The following N4BP2L1 variants were observed in gnomAD, a reference collection of about 807,000 sequenced individuals.
N4BP2L1 encodes the protein NEDD4 binding protein 2 like 1, also known as NEDD4-binding protein 2-like 1.
Under a neutral mutation model 21.2 loss-of-function variants are expected in N4BP2L1, and 12 were observed. The ratio of observed to expected loss-of-function variants is 0.57; its 90% confidence interval spans 0.36 to 0.92. The LOEUF is 0.92. Among genes scored for constraint, N4BP2L1 ranks in the 40% least tolerant of loss-of-function variants. N4BP2L1 has a pLI of 0.01. For synonymous variants in N4BP2L1, 104 were observed against 112.8 expected (o/e 0.92, Z 0.49); for missense variants, 259 against 310.6 (o/e 0.83, Z 1.25).
At position 32,427,998 on chromosome 13, in the gene N4BP2L1, GCGGCCGGGGCGGC is replaced by G; in HGVS notation, c.72_84del (p.Pro26ArgfsTer41). On this transcript the variant is annotated frameshift_variant, in exon 1 of 5. Transcript: ENST00000380130. LOFTEE classifies it high-confidence loss of function. The stretch of plus-strand genomic sequence containing the variant: ...CGGCGAGGAGGTGTCCCCCGCGGGG[GCGGCCGGGGCGGC>G]CGCTGCCGCTGCTGCTGCTGCTGGG... 6.4e-7 allele frequency: 1 copy of G among 1,556,350 alleles called. No homozygotes were observed. Among genetic ancestry groups the G allele is most frequent in the Non-Finnish European group, 8.7e-7 (1 of 1,154,350 alleles).
At position 32,402,842 on chromosome 13, in the gene N4BP2L1, T is replaced by C; in HGVS notation, c.*100A>G. The C allele has an allele frequency of 6.7e-7, 1 of 1,483,708 alleles. No homozygotes were observed. The highest frequency in any genetic ancestry group is 1.5e-5 in the South Asian group (1 of 68,608). The allele number at this position is 1,483,708 out of a possible 1,614,324, so 91.9% of individuals were successfully genotyped here. ...TCAGAAACTTTTGAGTTCAGCTATT[T>C]ACACTGGAATTGGAGCTCTGACTAA... is the stretch of plus-strand genomic sequence containing the variant. On this transcript the variant is annotated 3_prime_UTR_variant, in exon 5 of 5. Coordinates refer to ENST00000380130, the MANE Select transcript of N4BP2L1 (RefSeq NM_052818.3).
chr13:32,425,212 C>T (rs902382712), intron 1 of N4BP2L1: 1 of 152,174 alleles, frequency 6.6e-6, no homozygotes, highest in Non-Finnish European at 1.5e-5. Flanking sequence ...ACCCTACCTC[C>T]CAAAAAAGTG....
At chr13:32,406,092 G>A (rs371606130) in intron 3 of N4BP2L1, among the ~76,000 whole-genome samples, 90 of 148,620 alleles carry the variant, frequency 6.1e-4, no homozygotes, top group African/African-American at 2.2e-3. Context: ...TTTTTTTTTA[G>A]TAGAGACGGG....
upstream of N4BP2L1, among the ~76,000 whole-genome samples, chr13:32,428,948 C>T (rs1322556762): frequency 1.3e-5 from 2 of 152,242 alleles, no homozygotes; most frequent in Admixed American, 6.5e-5. Context: ...GACTCTCCAA[C>T]AGTTCACCCT....
intron 1 of N4BP2L1, among the ~76,000 whole-genome samples, chr13:32,415,332 A>C (rs2074075256): frequency 6.6e-6 from 1 of 152,232 alleles, no homozygotes; most frequent in African/African-American, 2.4e-5. Context: ...CTTGCTAAAG[A>C]AGAAAGGGTA....
chr13:32,416,344 A>G (rs2137884659), intron 1 of N4BP2L1, among the ~76,000 whole-genome samples: 1 of 152,346 alleles, frequency 6.6e-6, no homozygotes, highest in Admixed American at 6.5e-5. Flanking sequence ...GTACAACTGG[A>G]TTAAAACCTA....
At chr13:32,406,962 G>A (rs2073552428) in intron 3 of N4BP2L1, 2 of 412,270 alleles carry the variant, frequency 4.9e-6, no homozygotes, top group Non-Finnish European at 9.0e-6. Flanking sequence ...TGTATGCCTT[G>A]CCGTAGGAAA....
chr13:32,428,777 A>G (rs766808249), upstream of N4BP2L1, among the ~76,000 whole-genome samples: 3 of 152,272 alleles, frequency 2.0e-5, no homozygotes, highest in Non-Finnish European at 2.9e-5. Flanking sequence ...CCGCCCAGGT[A>G]CCTGCCCTGT....
intron 1 of N4BP2L1, chr13:32,420,430 A>G (rs1474385738): frequency 6.6e-6 from 1 of 152,198 alleles, no homozygotes; most frequent in East Asian, 1.9e-4. Flanking sequence ...GTTACAGATA[A>G]CAGAAGAGTA....
upstream of N4BP2L1, among the ~76,000 whole-genome samples, chr13:32,428,515 C>CCGGCATTGT (rs770334604): frequency 2.0e-5 from 3 of 152,190 alleles, no homozygotes; most frequent in Non-Finnish European, 4.4e-5. Context: ...AATGAGCTGC[C>CCGGCATTGT]CGGCATTGTA....
At position 32,416,803 on chromosome 13, in the gene N4BP2L1, CT is replaced by C. The variant is rs35354587; in HGVS notation, c.180-9032del. On this transcript the variant is annotated intron_variant, in intron 1 of 4. Coordinates refer to ENST00000380130, the MANE Select transcript of N4BP2L1 (RefSeq NM_052818.3). Reference sequence around the variant, plus strand: ...CTCTTTTAGCCTAATTATGCGAACTCTTTTTTTTTTGTTCCCCGCCCCACCC... The same window carrying C: ...CTCTTTTAGCCTAATTATGCGAACTCTTTTTTTTTGTTCCCCGCCCCACCC... 1,372 of 148,678 alleles carry C rather than the reference CT, an allele frequency of 9.2e-3. 28 individuals carry two copies. The highest frequency in any genetic ancestry group is 0.032 in the African/African-American group (1,293 of 40,626). 9.2% of individuals were successfully genotyped at this position (148,678 alleles called of 1,614,324 possible).
intron 1 of N4BP2L1, among the ~76,000 whole-genome samples, chr13:32,418,573 C>A (rs1217171423): frequency 1.3e-5 from 2 of 152,192 alleles, no homozygotes; most frequent in Non-Finnish European, 2.9e-5. Flanking sequence ...GGGCCACTGC[C>A]CACCAGACCC....
intron 4 of N4BP2L1, 49 bp downstream of exon 4, chr13:32,404,272 C>T: frequency 1.3e-6 from 2 of 1,586,674 alleles, no homozygotes; most frequent in South Asian, 1.1e-5. Flanking sequence ...TCTGAAATAC[C>T]TGAAAATAGC....
intron 1 of N4BP2L1, among the ~76,000 whole-genome samples, chr13:32,415,142 A>G (rs2074058824): frequency 6.6e-6 from 1 of 152,206 alleles, no homozygotes; most frequent in Admixed American, 6.5e-5. Flanking sequence ...CAACTCCATG[A>G]TCAACATGGA....
At chr13:32,422,743 T>C (rs1356193875) in intron 1 of N4BP2L1, among the ~76,000 whole-genome samples, 1 of 152,104 alleles carries the variant, frequency 6.6e-6, no homozygotes, top group Non-Finnish European at 1.5e-5. Context: ...TAAGTCCTCA[T>C]TCATCCCAGC....
Position 32,427,891 on chromosome 13 carries a change from C to T in N4BP2L1, c.179+13G>A. On this transcript the variant is annotated intron_variant, in intron 1 of 4. Coordinates refer to ENST00000380130, the MANE Select transcript of N4BP2L1 (RefSeq NM_052818.3). ...CCGGGCCCGTGCACCGGCGCCCAGA[C>T]CGCTGTCATTACCTGGCCAGTGTAG... 1 of 1,465,024 alleles carries T rather than the reference C, an allele frequency of 6.8e-7. No homozygotes were observed. The highest frequency in any genetic ancestry group is 1.5e-5 in the African/African-American group (1 of 67,524). The allele number at this position is 1,465,024 out of a possible 1,614,324, so 90.8% of individuals were successfully genotyped here.
upstream of N4BP2L1, among the ~76,000 whole-genome samples, chr13:32,428,689 A>G (rs1380915159): frequency 1.3e-5 from 2 of 152,244 alleles, no homozygotes; most frequent in Non-Finnish European, 1.5e-5. Context: ...TTGCCGCTAC[A>G]TAACTTTAAA....
intron 4 of N4BP2L1, 71 bp downstream of exon 4, chr13:32,404,250 T>A: frequency 6.3e-7 from 1 of 1,588,566 alleles, no homozygotes; most frequent in Non-Finnish European, 8.6e-7. Context: ...CTGAAAAGAT[T>A]CTTTTGTTCG....
intron 4 of N4BP2L1, 113 bp downstream of exon 4, chr13:32,404,208 C>A: frequency 1.2e-6 from 2 of 1,607,180 alleles, no homozygotes; most frequent in Non-Finnish European, 1.7e-6. Flanking sequence ...ATTACCATTT[C>A]TGGCCTGAAA....
Sources: gnomAD v4.1 joint callset for allele counts (sites outside exome capture counted in the v4.1 genomes callset) on GRCh38, gnomAD v4.1.1 for gene constraint, MANE v1.5 for transcripts, NCBI Gene and HGNC (gene_info 2026-07-23, HGNC 2026-07-21) for gene names.